Variants in MASP1 observed in about 807,000 individuals in gnomAD.
MASP1 encodes the protein mannan-binding lectin serine protease 1.
In MASP1, 59 loss-of-function variants were observed where a neutral mutation model predicts 77.1. The ratio of observed to expected loss-of-function variants is 0.77; its 90% confidence interval spans 0.62 to 0.95. The LOEUF (loss-of-function observed/expected upper bound fraction) is 0.95. Among genes scored for constraint, MASP1 ranks in the 40% least tolerant of loss-of-function variants. The pLI, the probability that MASP1 is intolerant of heterozygous loss-of-function variation, is 0.00. For synonymous variants in MASP1, 362 were observed against 354.5 expected, an observed-to-expected ratio of 1.02 and a Z score of -0.24; for missense variants, 885 against 912.9, an observed-to-expected ratio of 0.97 and a Z score of 0.39.
At chr3:187,224,751 A>G (rs1231287630) in intron 13 of MASP1, among the ~76,000 whole-genome samples, 1 of 152,176 alleles carries the variant, frequency 6.6e-6, no homozygotes, top group African/African-American at 2.4e-5. Flanking sequence ...CTACTTTGCT[A>G]GCTGGTTTCC....
At chr3:187,253,704 C>T (rs138461612) in intron 5 of MASP1, among the ~76,000 whole-genome samples, 22 of 152,208 alleles carry the variant, frequency 1.4e-4, no homozygotes, top group African/African-American at 3.1e-4. Context: ...TGGATGAAGA[C>T]GGAAGTCATC....
rs1371630698 is a variant in MASP1 at position 187,234,365 on chromosome 3, C to T, written c.*1319G>A. On this transcript the variant is annotated 3_prime_UTR_variant, in exon 11 of 11. Coordinates refer to ENST00000296280, the MANE Select transcript of MASP1 (RefSeq NM_139125.4). ...AGGAGAACAATCAGCCCTGTGAGGG[C>T]CAGAGAGGCTGCTAGCAGTCAGGGA... 2 of 1,287,118 alleles carry T rather than the reference C, an allele frequency of 1.6e-6. No individual in the cohort carries two copies. The highest frequency in any genetic ancestry group is 2.0e-6 in the Non-Finnish European group (2 of 988,712). 79.7% of individuals were successfully genotyped at this position (1,287,118 alleles called of 1,614,324 possible). A position where few individuals can be genotyped will look rare whatever the true frequency, so the allele number is the denominator to read the frequency against.
At chr3:187,246,359 G>A (rs1296171066) in intron 8 of MASP1, 2 of 984,704 alleles carry the variant, frequency 2.0e-6, no homozygotes, top group Non-Finnish European at 2.4e-6. Context: ...TTAATACGTT[G>A]TAGGTTTAAA....
At chr3:187,225,965 T>C (rs1341791644) in intron 12 of MASP1, among the ~76,000 whole-genome samples, 1 of 152,234 alleles carries the variant, frequency 6.6e-6, no homozygotes, top group African/African-American at 2.4e-5. Flanking sequence ...GACTGTAAGC[T>C]CCCTGTGGGC....
At position 187,234,971 on chromosome 3, in the gene MASP1, G is replaced by T; in HGVS notation, c.*713C>A. ...CAATGGGAATTTAAGGGCTTGGTGGGCCTCCCACGGCTATTCTGCTCCCAG... is the reference window on the plus strand; with the variant it reads ...CAATGGGAATTTAAGGGCTTGGTGGTCCTCCCACGGCTATTCTGCTCCCAG... On this transcript the variant is annotated 3_prime_UTR_variant, in exon 11 of 11. Coordinates refer to ENST00000296280, the MANE Select transcript of MASP1 (RefSeq NM_139125.4). The T allele has an allele frequency of 7.8e-7, 1 of 1,287,246 alleles. No homozygotes were observed. Among genetic ancestry groups the T allele is most frequent in the Non-Finnish European group, 1.0e-6 (1 of 988,694 alleles). The allele number at this position is 1,287,246 out of a possible 1,614,324, so 79.7% of individuals were successfully genotyped here.
downstream of MASP1, among the ~76,000 whole-genome samples, chr3:187,232,542 G>C (rs904728505): frequency 1.3e-5 from 2 of 152,062 alleles, no homozygotes; most frequent in Non-Finnish European, 2.9e-5. Context: ...TGTTTTTCCA[G>C]ATGTCTGCTA....
chr3:187,235,590 A>G lies in MASP1; in HGVS notation c.*94T>C, dbSNP rs766290319. The stretch of plus-strand genomic sequence containing the variant: ...AGCCACCGCTAGGTCAGTGTGTTCC[A>G]TTCCATATGGTCTGATAAGTAATGT... On this transcript the variant is annotated 3_prime_UTR_variant, in exon 11 of 11. Coordinates refer to ENST00000296280, the MANE Select transcript of MASP1 (RefSeq NM_139125.4). 433 of 1,592,754 alleles carry G rather than the reference A, an allele frequency of 2.7e-4. 2 individuals carry two copies. Among genetic ancestry groups the G allele is most frequent in the Admixed American group, 2.4e-4 (14 of 59,240 alleles).
At position 187,253,171 on chromosome 3, in the gene MASP1, C is replaced by T. The variant is rs1271015286; in HGVS notation, c.889G>A (p.Ala297Thr). Residue 297 changes from alanine to threonine, a missense_variant, in exon 6 of 11, where the codon GCA (alanine) becomes ACA (threonine). Transcript: ENST00000296280. ...NRGWRLSYRAAGNECPELQPP... is the reference protein window; with the variant it reads ...NRGWRLSYRATGNECPELQPP... The stretch of plus-strand genomic sequence containing the variant: ...GACCTGGGAGGGAAGAGGTTACCTG[C>T]AGCCCTGTATGAGAGCCTCCAGCCC... 1.2e-6 allele frequency: 2 copies of T among 1,613,754 alleles called. No individual in the cohort carries two copies. The highest frequency in any genetic ancestry group is 1.7e-5 in the Admixed American group (1 of 60,000).
At chr3:187,220,261 C>G in exon 16 of MASP1, 3 of 1,613,906 alleles carry the variant, frequency 1.9e-6, no homozygotes, top group Non-Finnish European at 2.5e-6. Flanking sequence ...GTCCTTTCCC[C>G]CTAGGTGAAA....
chr3:187,247,373 T>TCG (rs1402429617), intron 8 of MASP1: 12 of 1,613,834 alleles, frequency 7.4e-6, no homozygotes, highest in Non-Finnish European at 1.0e-5. Flanking sequence ...GCTCTCCAGA[T>TCG]CGATTTCATT....
rs560825004 is a variant in MASP1, at chr3:187,267,284, A to G, written c.238-4564T>C. On this transcript the variant is annotated intron_variant, in intron 2 of 10. Transcript: ENST00000296280. ...AAATGCCTCATGACTTTGTTTGTCAATGTTCCCGAGCTATCTCCTGGAGCC... is the reference window on the plus strand; with the variant it reads ...AAATGCCTCATGACTTTGTTTGTCAGTGTTCCCGAGCTATCTCCTGGAGCC... 2.6e-5 allele frequency among the ~76,000 whole-genome samples: 4 copies of G among 152,308 alleles called. No homozygotes were observed. In the South Asian group the frequency reaches 6.2e-4, roughly 24 times the overall value.
chr3:187,289,803 T>C (rs1224444603), intron 1 of MASP1, among the ~76,000 whole-genome samples: 1 of 152,224 alleles, frequency 6.6e-6, no homozygotes, highest in Non-Finnish European at 1.5e-5. Flanking sequence ...GACCTTTTCA[T>C]GATCATCAGT....
intron 1 of MASP1, among the ~76,000 whole-genome samples, chr3:187,286,496 C>T (rs1199146859): frequency 2.6e-5 from 4 of 152,124 alleles, no homozygotes; most frequent in Admixed American, 6.5e-5. Flanking sequence ...ACAGATTTAA[C>T]GTTGAAAATG....
chr3:187,251,760 G>C lies in MASP1; in HGVS notation c.893-8C>G. ...GCTCTGGGCACTCATTTCCTGGTGA[G>C]GAGCAAATGAAAGAACAGCAGGTGA... On this transcript the variant is annotated splice_polypyrimidine_tract_variant and splice_region_variant and intron_variant, in intron 6 of 10. Coordinates refer to ENST00000296280, the MANE Select transcript of MASP1 (RefSeq NM_139125.4). The C allele has an allele frequency of 1.2e-6, 2 of 1,604,936 alleles. No homozygotes were observed. The highest frequency in any genetic ancestry group is 1.7e-6 in the Non-Finnish European group (2 of 1,171,642).
chr3:187,219,900 C>T (rs1260379705), exon 16 of MASP1: 2 of 700,784 alleles, frequency 2.9e-6, no homozygotes, highest in African/African-American at 3.5e-5. Context: ...TGCTCCATCT[C>T]TTTAAAGAGA....
chr3:187,243,689 T>G, intron 8 of MASP1, 68 bp from the exon 9 acceptor site: 1 of 1,581,342 alleles, frequency 6.3e-7, no homozygotes, highest in Non-Finnish European at 8.7e-7. Context: ...CTGATGGATC[T>G]ATCTCATGCA....
At chr3:187,230,182 T>C (rs781457598), downstream of MASP1, among the ~76,000 whole-genome samples, 1 of 152,192 alleles carries the variant, frequency 6.6e-6, no homozygotes, top group Non-Finnish European at 1.5e-5. Context: ...TGCTCAGAGA[T>C]GGGAATGTGA....
Position 187,285,929 on chromosome 3 carries a change from C to G in MASP1, c.133G>C (p.Glu45Gln). The change falls in exon 2 of 11, where the codon GAG becomes CAG. Residue 45 changes from glutamate (E) to glutamine (Q), a missense_variant. Coordinates refer to ENST00000296280, the MANE Select transcript of MASP1 (RefSeq NM_139125.4). ...GGGACAGTGATATTCCAAGTCACCTCTGAATCACTGGGATAGGAGTCTGGA... is the reference window on the plus strand; with the variant it reads ...GGGACAGTGATATTCCAAGTCACCTGTGAATCACTGGGATAGGAGTCTGGA... ...GYPDSYPSDS[E>Q]VTWNITVPDG... is the part of the protein sequence containing the mutation. 1 of 1,614,122 alleles carries G rather than the reference C, an allele frequency of 6.2e-7. No individual in the cohort carries two copies. Among genetic ancestry groups the G allele is most frequent in the Non-Finnish European group, 8.5e-7 (1 of 1,179,982 alleles).
At chr3:187,246,437 C>T (rs764837642) in intron 8 of MASP1, 47 of 985,388 alleles carry the variant, frequency 4.8e-5, no homozygotes, top group Admixed American at 1.2e-4. Flanking sequence ...TGTCTCTAGC[C>T]GAGAATGGCA....
Sources: allele counts gnomAD v4.1 joint callset (sites outside exome capture counted in the v4.1 genomes callset), GRCh38; gene constraint gnomAD v4.1.1; transcripts MANE v1.5; gene names NCBI Gene and HGNC (gene_info 2026-07-23, HGNC 2026-07-21).